LAMA1: variants seen among roughly 807,000 people sequenced by gnomAD.
LAMA1 encodes the protein laminin subunit alpha 1.
In LAMA1, 219 loss-of-function variants were observed where a neutral mutation model predicts 348.7. That is an observed-to-expected ratio of 0.63 (90% CI 0.56 to 0.70). The LOEUF (loss-of-function observed/expected upper bound fraction) is 0.70. Among genes scored for constraint, LAMA1 ranks in the 30% least tolerant of loss-of-function variants. The probability of loss-of-function intolerance (pLI) is 0.00; values close to 1 mark genes in which losing one functional copy is unlikely to be tolerated. For synonymous variants in LAMA1, 1,487 were observed against 1,491.0 expected (o/e 1.00, Z 0.06); for missense variants, 3,744 against 3,888.0 (o/e 0.96, Z 0.99).
chr18:7,094,974 T>C (rs2058254531), intron 1 of LAMA1, among the ~76,000 whole-genome samples: 1 of 152,162 alleles, frequency 6.6e-6, no homozygotes, highest in Admixed American at 6.5e-5. Context: ...ATAATTCTTA[T>C]TTGTAGATAG....
intron 2 of LAMA1, 46 bp downstream of exon 2, chr18:7,080,241 G>C: frequency 3.1e-6 from 5 of 1,612,704 alleles, no homozygotes; most frequent in Non-Finnish European, 4.2e-6. Context: ...ATTTCACAAA[G>C]TGTACATTCC....
At chr18:6,979,859 A>G (rs576136804) in intron 42 of LAMA1, among the ~76,000 whole-genome samples, 67 of 152,342 alleles carry the variant, frequency 4.4e-4, no homozygotes, top group East Asian at 7.7e-4. Flanking sequence ...AGATCGCGCC[A>G]CTGCACTCCA....
chr18:7,037,436 C>T, intron 12 of LAMA1, 142 bp downstream of exon 12: 6 of 878,610 alleles, frequency 6.8e-6, no homozygotes, highest in Non-Finnish European at 1.1e-5. Context: ...TTTGTATCAT[C>T]AGATGCAAGT....
intron 19 of LAMA1, among the ~76,000 whole-genome samples, chr18:7,019,013 C>G (rs2057903161): frequency 6.6e-6 from 1 of 152,120 alleles, no homozygotes; most frequent in Admixed American, 6.5e-5. Context: ...AACCCCGTAG[C>G]TGGACCGTGC....
At chr18:7,031,074 T>G (rs2057967089) in intron 16 of LAMA1, among the ~76,000 whole-genome samples, 1 of 152,094 alleles carries the variant, frequency 6.6e-6, no homozygotes, top group Non-Finnish European at 1.5e-5. Flanking sequence ...AAAAATTAAG[T>G]TCTAAGCCAT....
intron 1 of LAMA1, among the ~76,000 whole-genome samples, chr18:7,116,594 C>T (rs781057778): frequency 9.9e-5 from 15 of 152,114 alleles, no homozygotes; most frequent in Non-Finnish European, 2.1e-4. Context: ...CTACTTTTGA[C>T]TCGAATTTTT....
At chr18:7,030,856 T>C (rs1598288657) in intron 16 of LAMA1, among the ~76,000 whole-genome samples, 1 of 113,090 alleles carries the variant, frequency 8.8e-6, no homozygotes, top group Non-Finnish European at 1.7e-5. Flanking sequence ...CCCCAAATGC[T>C]GGCAGGAGGC....
intron 7 of LAMA1, among the ~76,000 whole-genome samples, chr18:7,043,796 T>C (rs1414791944): frequency 1.3e-5 from 2 of 152,220 alleles, no homozygotes; most frequent in Non-Finnish European, 2.9e-5. Flanking sequence ...TCTGTGCAAC[T>C]GTTTTTAAAA....
intron 13 of LAMA1, 59 bp downstream of exon 13, chr18:7,035,928 T>C (rs1598291344): frequency 1.4e-6 from 2 of 1,417,972 alleles, no homozygotes; most frequent in East Asian, 2.3e-5. Flanking sequence ...CTTTCAGTCA[T>C]AAACTATCAG....
intron 56 of LAMA1, chr18:6,955,668 C>T (rs2143990745): frequency 1.5e-6 from 1 of 678,002 alleles, no homozygotes; most frequent in Admixed American, 2.0e-5. Flanking sequence ...GCACTTAGAG[C>T]TTCTGTCTGT....
chr18:6,965,506 G>A (rs1344399646), intron 49 of LAMA1, 74 bp from the exon 50 acceptor site: 2 of 1,523,518 alleles, frequency 1.3e-6, no homozygotes, highest in Non-Finnish European at 1.8e-6. Flanking sequence ...AGTCAGGGAT[G>A]GCTGAAACCT....
intron 1 of LAMA1, among the ~76,000 whole-genome samples, chr18:7,114,465 T>C (rs1462782): frequency 0.11 from 16,026 of 152,238 alleles, 1,043 homozygotes; most frequent in East Asian, 0.32. Context: ...GAGAATATAG[T>C]TTAAAAATAT....
intron 48 of LAMA1, among the ~76,000 whole-genome samples, chr18:6,970,719 TCTCCTGTCTCAGC>T (rs1348188553): frequency 6.6e-6 from 1 of 151,988 alleles, no homozygotes; most frequent in Non-Finnish European, 1.5e-5. Flanking sequence ...TTCAAGCAAT[TCTCCTGTCTCAGC>T]CTCCTGAGTA....
At position 7,025,456 on chromosome 18, in the gene LAMA1, C is replaced by T. The variant is rs544483723; in HGVS notation, c.2402+523G>A. On this transcript the variant is annotated intron_variant, in intron 17 of 62. Coordinates refer to ENST00000389658, the MANE Select transcript of LAMA1 (RefSeq NM_005559.4). ...AGGCCTCACTACAGTCACGACCACACTGAGTCCCCTGGGGCCCACGGCCAG... is the reference window on the plus strand; with the variant it reads ...AGGCCTCACTACAGTCACGACCACATTGAGTCCCCTGGGGCCCACGGCCAG... Among the ~76,000 whole-genome samples, 5 of 152,358 alleles carry T rather than the reference C, an allele frequency of 3.3e-5. No homozygotes were observed. The South Asian group carries it at 1.0e-3, about 32-fold the overall frequency.
intron 25 of LAMA1, among the ~76,000 whole-genome samples, chr18:7,010,928 G>A (rs2057856876): frequency 1.3e-5 from 2 of 152,128 alleles, no homozygotes; most frequent in African/African-American, 4.8e-5. Context: ...TTCAGTCAAT[G>A]ACAAACCACA....
At position 7,032,164 on chromosome 18, in the gene LAMA1, C is replaced by T; in HGVS notation, c.2176G>A (p.Gly726Ser). ...AGTATTCCATCCACGCGGTAATAGC[C>T]AGAGAGGCACGACTGCAAGAGAAGG... Reference protein sequence around the residue: ...TGTSCESCLSGYYRVDGILFG... With the variant: ...TGTSCESCLSSYYRVDGILFG... The change falls in exon 16 of 63, where the codon GGC becomes AGC. Residue 726 changes from glycine to serine, a missense_variant. This residue lies in a region of LAMA1 where 1,529 missense variants were observed against 1,689.4 expected (regional missense o/e 0.91). Coordinates refer to ENST00000389658, the MANE Select transcript of LAMA1 (RefSeq NM_005559.4). The T allele has an allele frequency of 1.2e-6, 2 of 1,612,928 alleles. No homozygotes were observed. The highest frequency in any genetic ancestry group is 1.7e-6 in the Non-Finnish European group (2 of 1,178,952).
At position 6,956,780 on chromosome 18, in the gene LAMA1, G is replaced by C; in HGVS notation, c.7965-15C>G. On this transcript the variant is annotated splice_polypyrimidine_tract_variant and intron_variant, in intron 55 of 62. Coordinates refer to ENST00000389658, the MANE Select transcript of LAMA1 (RefSeq NM_005559.4). ...AATCCAAAAGTCTAGGTAGAAACAA[G>C]AGAGTGTTTTCAAAATTAGGATATC... 1 of 1,614,062 alleles carries C rather than the reference G, an allele frequency of 6.2e-7. No individual in the cohort carries two copies. Among genetic ancestry groups the C allele is most frequent in the Non-Finnish European group, 8.5e-7 (1 of 1,180,016 alleles).
At chr18:7,099,929 A>G (rs1323847974) in intron 1 of LAMA1, among the ~76,000 whole-genome samples, 1 of 151,666 alleles carries the variant, frequency 6.6e-6, no homozygotes, top group Admixed American at 6.6e-5. Flanking sequence ...TGTGGTGGTG[A>G]GCACCTGTAG....
chr18:7,103,174 T>C (rs1038908421), intron 1 of LAMA1, among the ~76,000 whole-genome samples: 18 of 152,068 alleles, frequency 1.2e-4, no homozygotes, highest in Admixed American at 1.0e-3. Flanking sequence ...TCCCACCACT[T>C]TGGGAGGCCG....
Sources: allele counts gnomAD v4.1 joint callset (sites outside exome capture counted in the v4.1 genomes callset), GRCh38; gene constraint gnomAD v4.1.1; regional missense constraint gnomAD v4.1.1; transcripts MANE v1.5; gene names NCBI Gene and HGNC (gene_info 2026-07-23, HGNC 2026-07-21).